Variants in TBC1D22A observed in about 807,000 individuals in gnomAD.
TBC1D22A encodes TBC1 domain family member 22A.
A neutral mutation model predicts 60.2 loss-of-function variants in TBC1D22A; 38 were observed. The observed-to-expected ratio is 0.63, with a 90% CI of 0.49 to 0.83. The LOEUF is 0.83. TBC1D22A is among the 40% of genes least tolerant of loss of function. The pLI, the probability that TBC1D22A is intolerant of heterozygous loss-of-function variation, is 0.00. For synonymous variants in TBC1D22A, 302 were observed against 281.7 expected, an observed-to-expected ratio of 1.07 and a Z score of -0.72; for missense variants, 628 against 701.0, an observed-to-expected ratio of 0.90 and a Z score of 1.18.
In TBC1D22A at chr22:47,174,910, G is replaced by A. The variant is rs988206002; in HGVS notation, c.*1284G>A. The A allele has an allele frequency of 2.6e-5, 4 of 152,278 alleles. No individual in the cohort carries two copies. The highest frequency in any genetic ancestry group is 9.7e-5 in the African/African-American group (4 of 41,424). 9.4% of individuals were successfully genotyped at this position (152,278 alleles called of 1,614,324 possible). A position where few individuals can be genotyped will look rare whatever the true frequency, so the allele number is the denominator to read the frequency against. On this transcript the variant is annotated 3_prime_UTR_variant, in exon 13 of 13. Coordinates refer to ENST00000337137, the MANE Select transcript of TBC1D22A (RefSeq NM_014346.5). ...GGACTGGCTTCCCAGCGTTCCCTCGGTGTGTCACAGGCTGCATGACCCCTG... is the reference window on the plus strand; with the variant it reads ...GGACTGGCTTCCCAGCGTTCCCTCGATGTGTCACAGGCTGCATGACCCCTG...
intron 10 of TBC1D22A, among the ~76,000 whole-genome samples, chr22:47,025,432 A>G (rs1015072566): frequency 1.8e-4 from 28 of 152,252 alleles, no homozygotes. Flanking sequence ...TTAAATTAGC[A>G]ATCTTTAGCA....
At chr22:46,903,212 C>T (rs374584243) in intron 7 of TBC1D22A, among the ~76,000 whole-genome samples, 1 of 152,292 alleles carries the variant, frequency 6.6e-6, no homozygotes, top group African/African-American at 2.4e-5. Flanking sequence ...GGACCGAGGG[C>T]TGAGGGCCGA....
intron 8 of TBC1D22A, among the ~76,000 whole-genome samples, chr22:46,949,725 G>GA (rs1287235137): frequency 6.6e-6 from 1 of 152,244 alleles, no homozygotes; most frequent in African/African-American, 2.4e-5. Context: ...CAAGCACTAA[G>GA]AAGCACTAAG....
chr22:47,122,894 T>G (rs1248948199), intron 12 of TBC1D22A, among the ~76,000 whole-genome samples: 1 of 152,218 alleles, frequency 6.6e-6, no homozygotes, highest in Non-Finnish European at 1.5e-5. Flanking sequence ...CAAATACTCC[T>G]TAGCTCGAGC....
chr22:46,833,898 A>G (rs1031355083), intron 4 of TBC1D22A, among the ~76,000 whole-genome samples: 1 of 152,222 alleles, frequency 6.6e-6, no homozygotes, highest in Non-Finnish European at 1.5e-5. Flanking sequence ...GGGTGCAAGG[A>G]CTTGTCAGGA....
chr22:46,944,598 C>T (rs1004491784), intron 8 of TBC1D22A, among the ~76,000 whole-genome samples: 6 of 152,220 alleles, frequency 3.9e-5, no homozygotes, highest in African/African-American at 9.7e-5. Context: ...TGGGGTTTCA[C>T]CGTGTTAGCC....
At chr22:47,156,179 G>A (rs2147188198) in intron 12 of TBC1D22A, among the ~76,000 whole-genome samples, 1 of 152,334 alleles carries the variant, frequency 6.6e-6, no homozygotes, top group East Asian at 1.9e-4. Context: ...TGGTTTCACA[G>A]GCTCTGCGGA....
chr22:46,763,786 T>C (rs1314534786), intron 1 of TBC1D22A: 1 of 152,228 alleles, frequency 6.6e-6, no homozygotes, highest in African/African-American at 2.4e-5. Context: ...TGGAATTTAC[T>C]GCATCCAGTT....
At chr22:46,922,164 T>C (rs1254830660) in intron 8 of TBC1D22A, among the ~76,000 whole-genome samples, 1 of 152,248 alleles carries the variant, frequency 6.6e-6, no homozygotes, top group Non-Finnish European at 1.5e-5. Flanking sequence ...TTGCTTGTTT[T>C]TGTCCACTTT....
At chr22:46,913,401 G>A (rs376135931) in intron 8 of TBC1D22A, 5 of 1,366,394 alleles carry the variant, frequency 3.7e-6, no homozygotes, top group East Asian at 4.5e-5. Flanking sequence ...AGCCTTACCC[G>A]AGGACAGATG....
chr22:46,847,916 TGG>T (rs1406519297), intron 4 of TBC1D22A, among the ~76,000 whole-genome samples: 1,751 of 113,764 alleles, frequency 0.015, 47 homozygotes, highest in African/African-American at 0.062. Flanking sequence ...GGTACCCTAG[TGG>T]GTGTGTGTGT....
At chr22:46,972,550 G>A (rs910107170) in intron 8 of TBC1D22A, among the ~76,000 whole-genome samples, 3 of 152,202 alleles carry the variant, frequency 2.0e-5, no homozygotes, top group East Asian at 1.9e-4. Context: ...ACAGAGGGCC[G>A]CAGAGCCTGA....
At chr22:46,852,387 C>T (rs543849461) in intron 4 of TBC1D22A, among the ~76,000 whole-genome samples, 3 of 152,322 alleles carry the variant, frequency 2.0e-5, no homozygotes, top group South Asian at 4.1e-4. Context: ...TGGCCTGTTT[C>T]TTCAGCGACA....
chr22:46,991,551 G>T (rs903536325), intron 9 of TBC1D22A, among the ~76,000 whole-genome samples: 3 of 152,212 alleles, frequency 2.0e-5, no homozygotes, highest in African/African-American at 7.2e-5. Context: ...GGACAGTTGG[G>T]GTTCACTTTG....
chr22:47,048,669 T>A (rs1450641754), intron 11 of TBC1D22A, among the ~76,000 whole-genome samples: 1 of 152,214 alleles, frequency 6.6e-6, no homozygotes, highest in African/African-American at 2.4e-5. Flanking sequence ...CCGTCCCCTG[T>A]GCAGGCCCCT....
chr22:46,932,638 C>T (rs573018268), intron 8 of TBC1D22A, among the ~76,000 whole-genome samples: 2 of 150,968 alleles, frequency 1.3e-5, no homozygotes, highest in Admixed American at 1.3e-4. Flanking sequence ...AAGGGGCGAT[C>T]GCGGTGGAGA....
intron 10 of TBC1D22A, among the ~76,000 whole-genome samples, chr22:47,020,341 G>A (rs563766960): frequency 9.9e-5 from 15 of 152,170 alleles, no homozygotes; most frequent in African/African-American, 2.2e-4. Flanking sequence ...CATACAGTGC[G>A]TCGGGAGAGA....
At chr22:46,779,451 G>T (rs2083845529) in intron 1 of TBC1D22A, among the ~76,000 whole-genome samples, 1 of 152,048 alleles carries the variant, frequency 6.6e-6, no homozygotes, top group African/African-American at 2.4e-5. Flanking sequence ...TAGAGACGGG[G>T]TTTCACCATG....
chr22:47,113,015 C>G (rs1327765869), intron 12 of TBC1D22A, among the ~76,000 whole-genome samples: 1 of 152,240 alleles, frequency 6.6e-6, no homozygotes, highest in Non-Finnish European at 1.5e-5. Context: ...AGACTGCGGT[C>G]TCCTGGCCAG....
Sources: gnomAD v4.1 joint callset for allele counts (sites outside exome capture counted in the v4.1 genomes callset) on GRCh38, gnomAD v4.1.1 for gene constraint, MANE v1.5 for transcripts, NCBI Gene and HGNC (gene_info 2026-07-23, HGNC 2026-07-21) for gene names.